Variants in HS6ST3 observed in about 807,000 individuals in gnomAD.
HS6ST3 encodes heparan sulfate 6-O-sulfotransferase 3.
A neutral mutation model predicts 36.7 loss-of-function variants in HS6ST3; 12 were observed. That is an observed-to-expected ratio of 0.33 (90% confidence interval 0.21 to 0.53). HS6ST3 has a LOEUF of 0.53. Ranked by LOEUF, HS6ST3 falls within the 20% of genes least tolerant of loss-of-function variation. HS6ST3 has a pLI of 0.95. For missense variants in HS6ST3, 584 were observed against 640.9 expected (o/e 0.91, Z 0.96); for synonymous variants, 240 against 257.5 (o/e 0.93, Z 0.65).
At chr13:96,724,199 A>G (rs1055601849) in intron 1 of HS6ST3, among the ~76,000 whole-genome samples, 4 of 152,214 alleles carry the variant, frequency 2.6e-5, no homozygotes, top group Admixed American at 6.5e-5. Flanking sequence ...AAACAGTAGT[A>G]TGTATTGTAT....
chr13:96,148,973 T>C (rs1190122524), intron 1 of HS6ST3, among the ~76,000 whole-genome samples: 1 of 152,166 alleles, frequency 6.6e-6, no homozygotes, highest in Non-Finnish European at 1.5e-5. Context: ...GTTTATTAGA[T>C]GCAAAGGAAA....
intron 1 of HS6ST3, among the ~76,000 whole-genome samples, chr13:96,124,807 G>A (rs925478895): frequency 4.6e-5 from 7 of 152,152 alleles, no homozygotes; most frequent in African/African-American, 1.4e-4. Context: ...TGTAGACAGC[G>A]CAGGTAAGAT....
intron 1 of HS6ST3, among the ~76,000 whole-genome samples, chr13:96,772,804 A>G (rs1877295941): frequency 6.6e-6 from 1 of 152,236 alleles, no homozygotes; most frequent in South Asian, 2.1e-4. Context: ...ATTGATTGCC[A>G]TCTTGAGAAG....
chr13:96,290,710 C>A (rs924497483), intron 1 of HS6ST3, among the ~76,000 whole-genome samples: 1 of 152,200 alleles, frequency 6.6e-6, no homozygotes, highest in Non-Finnish European at 1.5e-5. Context: ...ATGGAAGTCA[C>A]AGCACTTCAT....
At chr13:96,107,021 C>G (rs1350913013) in intron 1 of HS6ST3, among the ~76,000 whole-genome samples, 2 of 152,144 alleles carry the variant, frequency 1.3e-5, no homozygotes, top group Non-Finnish European at 2.9e-5. Flanking sequence ...TTGGGTTTAA[C>G]CAGCACTGGA....
intron 1 of HS6ST3, among the ~76,000 whole-genome samples, chr13:96,415,499 G>A (rs1282561038): frequency 6.6e-6 from 1 of 152,148 alleles, no homozygotes; most frequent in Non-Finnish European, 1.5e-5. Flanking sequence ...CATTTTGAAC[G>A]CTGTTTGTGC....
chr13:96,098,020 C>A (rs769787791), intron 1 of HS6ST3, among the ~76,000 whole-genome samples: 1 of 152,066 alleles, frequency 6.6e-6, no homozygotes, highest in Admixed American at 6.5e-5. Context: ...ATGCCCACTC[C>A]CCGGATTGTC....
At chr13:96,278,828 A>G (rs1037641850) in intron 1 of HS6ST3, among the ~76,000 whole-genome samples, 1 of 152,198 alleles carries the variant, frequency 6.6e-6, no homozygotes, top group African/African-American at 2.4e-5. Flanking sequence ...ACTACAACTT[A>G]TCAATTAACT....
intron 1 of HS6ST3, among the ~76,000 whole-genome samples, chr13:96,811,703 A>G (rs776720843): frequency 1.3e-5 from 2 of 152,202 alleles, no homozygotes; most frequent in Admixed American, 6.5e-5. Context: ...ATAAATAACC[A>G]TTTGTACCTA....
chr13:96,644,734 G>C (rs1052549912), intron 1 of HS6ST3, among the ~76,000 whole-genome samples: 2 of 151,960 alleles, frequency 1.3e-5, no homozygotes, highest in African/African-American at 4.8e-5. Flanking sequence ...CTTAGGATCA[G>C]AATTGTCATA....
chr13:96,780,170 C>T (rs1398123298), intron 1 of HS6ST3, among the ~76,000 whole-genome samples: 1 of 152,094 alleles, frequency 6.6e-6, no homozygotes, highest in Non-Finnish European at 1.5e-5. Flanking sequence ...ATCAGAGACT[C>T]AGAAGCTGTG....
chr13:96,498,180 T>C (rs560789410), intron 1 of HS6ST3, among the ~76,000 whole-genome samples: 1 of 152,278 alleles, frequency 6.6e-6, no homozygotes, highest in African/African-American at 2.4e-5. Context: ...TTGTCTTTCT[T>C]CCTGCAATTT....
chr13:96,178,413 G>T (rs1374042253), intron 1 of HS6ST3, among the ~76,000 whole-genome samples: 1 of 152,062 alleles, frequency 6.6e-6, no homozygotes, highest in Non-Finnish European at 1.5e-5. Context: ...GGGTGTTTGA[G>T]GTATGCACTG....
intron 1 of HS6ST3, among the ~76,000 whole-genome samples, chr13:96,118,594 A>G (rs1055681166): frequency 6.8e-6 from 1 of 147,466 alleles, no homozygotes; most frequent in Non-Finnish European, 1.5e-5. Context: ...GAAAGGAGAG[A>G]TAGGAAAAAT....
At chr13:96,763,722 A>C (rs1877027145) in intron 1 of HS6ST3, among the ~76,000 whole-genome samples, 1 of 152,162 alleles carries the variant, frequency 6.6e-6, no homozygotes. Flanking sequence ...AATGGTGCCT[A>C]CCTCATAATG....
chr13:96,563,893 G>T (rs2056271670), intron 1 of HS6ST3, among the ~76,000 whole-genome samples: 1 of 152,080 alleles, frequency 6.6e-6, no homozygotes, highest in Admixed American at 6.6e-5. Context: ...CATGCCATAT[G>T]GTTACGGCCA....
At chr13:96,620,693 A>G (rs1384397538) in intron 1 of HS6ST3, among the ~76,000 whole-genome samples, 2 of 152,240 alleles carry the variant, frequency 1.3e-5, no homozygotes, top group Non-Finnish European at 2.9e-5. Flanking sequence ...TAAAATAACC[A>G]TATTTAGCAA....
At chr13:96,819,881 A>G (rs1878496987) in intron 1 of HS6ST3, among the ~76,000 whole-genome samples, 1 of 151,584 alleles carries the variant, frequency 6.6e-6, no homozygotes, top group Non-Finnish European at 1.5e-5. Context: ...GTGACAGACC[A>G]GTCAGTCACA....
Position 96,832,662 on chromosome 13 carries a change from A to T in HS6ST3, c.880A>T (p.Ser294Cys). The T allele has an allele frequency of 6.2e-7, 1 of 1,614,104 alleles. No individual in the cohort carries two copies. The highest frequency in any genetic ancestry group is 8.5e-7 in the Non-Finnish European group (1 of 1,179,992). Residue 294 changes from serine to cysteine, a missense_variant, in exon 2 of 2, where the codon AGC becomes TGC. By Grantham distance (112) the Ser-to-Cys change is moderately radical. Transcript: ENST00000376705. ...CCCTGGGGATGACTGGTCTGGGGTC[A>T]GCTTGCGGGAGTTTATGGATTGCAC... ...CYPGDDWSGV[S>C]LREFMDCTYN...
Sources: allele counts gnomAD v4.1 joint callset (sites outside exome capture counted in the v4.1 genomes callset), GRCh38; gene constraint gnomAD v4.1.1; transcripts MANE v1.5; gene names NCBI Gene and HGNC (gene_info 2026-07-23, HGNC 2026-07-21).